YPEL1: variants seen among roughly 807,000 people sequenced by gnomAD.
The protein encoded by YPEL1 is protein yippee-like 1.
YPEL1 carries 7 observed loss-of-function variants against 17.3 expected under a neutral mutation model. That is an observed-to-expected ratio of 0.40 (90% CI 0.23 to 0.76). The LOEUF (loss-of-function observed/expected upper bound fraction) is 0.76, where lower values mean the gene tolerates loss of function less well. Ranked by LOEUF, YPEL1 falls within the 30% of genes least tolerant of loss-of-function variation. YPEL1 has a pLI of 0.35. For synonymous variants in YPEL1, 59 were observed against 59.6 expected, an observed-to-expected ratio of 0.99 and a Z score of 0.05; for missense variants, 91 against 155.5, an observed-to-expected ratio of 0.59 and a Z score of 2.21.
At position 21,699,121 on chromosome 22, in the gene YPEL1, G is replaced by A. The variant is rs550168180; in HGVS notation, c.*2008C>T. The A allele has an allele frequency of 3.9e-5, 6 of 152,566 alleles. No homozygotes were observed. The highest frequency in any genetic ancestry group is 1.2e-4 in the African/African-American group (5 of 41,598). The allele number at this position is 152,566 out of a possible 1,614,324, so 9.5% of individuals were successfully genotyped here. A position where few individuals can be genotyped will look rare whatever the true frequency, so the allele number is the denominator to read the frequency against. On this transcript the variant is annotated 3_prime_UTR_variant, in exon 5 of 5. Transcript: ENST00000339468. ...CATGCTGTGTGTGGGCAGTGAGCTC[G>A]AGTGGGCACAGCCCAGTGCCTGCCT...
intron 1 of YPEL1, among the ~76,000 whole-genome samples, chr22:21,717,919 G>C (rs141994670): frequency 7.7e-4 from 117 of 152,092 alleles, no homozygotes; most frequent in African/African-American, 2.6e-3. Flanking sequence ...TTGAGCCCAG[G>C]AGTTTGAGAC....
At chr22:21,730,180 A>G (rs187761806) in intron 1 of YPEL1, among the ~76,000 whole-genome samples, 3 of 152,166 alleles carry the variant, frequency 2.0e-5, no homozygotes, top group Non-Finnish European at 4.4e-5. Flanking sequence ...AACAAAGTTT[A>G]ACCAAAAGAG....
intron 1 of YPEL1, among the ~76,000 whole-genome samples, chr22:21,731,261 C>T (rs1252514920): frequency 3.3e-5 from 5 of 151,750 alleles, no homozygotes; most frequent in African/African-American, 1.2e-4. Flanking sequence ...TGCCTGTCGT[C>T]CCAGCTACTC....
chr22:21,725,530 A>T (rs562233059), intron 1 of YPEL1, among the ~76,000 whole-genome samples: 33 of 152,222 alleles, frequency 2.2e-4, no homozygotes, highest in Non-Finnish European at 1.5e-5. Context: ...TGCCCAGCCT[A>T]AAATGATAAA....
At position 21,701,000 on chromosome 22, in the gene YPEL1, A is replaced by C; in HGVS notation, c.*129T>G. 1 of 726,214 alleles carries C rather than the reference A, an allele frequency of 1.4e-6. No homozygotes were observed. 45.0% of individuals were successfully genotyped at this position (726,214 alleles called of 1,614,324 possible). A position where few individuals can be genotyped will look rare whatever the true frequency, so the allele number is the denominator to read the frequency against. ...CCCACAGAGATGGCCGAGAGTGTCA[A>C]GAGCTATGCGCAGCTAGCCTTTGAG... On this transcript the variant is annotated 3_prime_UTR_variant, in exon 5 of 5. Transcript: ENST00000339468.
intron 1 of YPEL1, among the ~76,000 whole-genome samples, chr22:21,732,706 C>T (rs1359542407): frequency 2.0e-5 from 3 of 151,984 alleles, no homozygotes; most frequent in South Asian, 2.1e-4. Flanking sequence ...CGCTTGAACC[C>T]GGGAGGCGGA....
At chr22:21,711,007 G>T (rs528120654) in intron 1 of YPEL1, 99 bp from the exon 2 acceptor site, 9 of 411,012 alleles carry the variant, frequency 2.2e-5, no homozygotes, top group Non-Finnish European at 9.0e-6. Flanking sequence ...ACGCGGGGTG[G>T]GGGGGTGGCA....
intron 1 of YPEL1, among the ~76,000 whole-genome samples, chr22:21,712,607 T>G (rs1246565341): frequency 6.6e-6 from 1 of 150,880 alleles, no homozygotes; most frequent in Non-Finnish European, 1.5e-5. Flanking sequence ...GTGCTTGTAG[T>G]CCCAGCTACT....
rs2068081904 is a variant in YPEL1, at chr22:21,703,144, G to A, written c.270+226C>T. On this transcript the variant is annotated intron_variant, in intron 4 of 4. Transcript: ENST00000339468. This position sits in a 1 kb window ranked among gnomAD's most constrained non-coding sequence, Gnocchi z 6.1. Reference sequence around the variant, plus strand: ...AAGAAACAGGGCTTGAAAACATGGTGTTTTTGTTTTTTGTTTTGGGTTGGG... The same window carrying A: ...AAGAAACAGGGCTTGAAAACATGGTATTTTTGTTTTTTGTTTTGGGTTGGG... 3.9e-5 allele frequency among the ~76,000 whole-genome samples: 6 copies of A among 152,160 alleles called. No homozygotes were observed. Among genetic ancestry groups the A allele is most frequent in the Admixed American group, 2.6e-4 (4 of 15,274 alleles).
At chr22:21,718,125 T>A in intron 1 of YPEL1, among the ~76,000 whole-genome samples, 1 of 79,580 alleles carries the variant, frequency 1.3e-5, no homozygotes. Context: ...TGAGACTCTG[T>A]CTCAAAAAAA....
At chr22:21,735,138 G>A (rs2148618133) in intron 1 of YPEL1, among the ~76,000 whole-genome samples, 1 of 152,278 alleles carries the variant, frequency 6.6e-6, no homozygotes, top group Admixed American at 6.5e-5. Context: ...CGAAACCTAT[G>A]CCACAAGTGG....
intron 1 of YPEL1, among the ~76,000 whole-genome samples, chr22:21,711,448 G>A (rs928421310): frequency 2.6e-5 from 4 of 152,232 alleles, no homozygotes; most frequent in African/African-American, 9.6e-5. Flanking sequence ...CCCGGTGGCA[G>A]GGCTGGATGC....
rs150704824 is a variant in YPEL1 at position 21,718,024 on chromosome 22, G to A, written c.-164-7116C>T. 4.4e-3 allele frequency among the ~76,000 whole-genome samples: 669 copies of A among 152,140 alleles called. 6 individuals carry two copies. The highest frequency in any genetic ancestry group is 0.015 in the African/African-American group (617 of 41,510). ...CACGTGTCTGTGGTCCCAGCTACTA[G>A]GGAGGCTGAAGTGGGAGGATTGCTT... On this transcript the variant is annotated intron_variant, in intron 1 of 4. Transcript: ENST00000339468.
At position 21,703,327 on chromosome 22, in the gene YPEL1, G is replaced by A; in HGVS notation, c.270+43C>T. On this transcript the variant is annotated intron_variant, in intron 4 of 4. Coordinates refer to ENST00000339468, the MANE Select transcript of YPEL1 (RefSeq NM_013313.5). The surrounding 1 kb of genome is among the most constrained non-coding windows in gnomAD (Gnocchi z 6.1). Reference sequence around the variant, plus strand: ...AGGTGTGGCTCAGTGGCAACTTAGTGCCACATCCCCTTGTGGCACGAGCAT... The same window carrying A: ...AGGTGTGGCTCAGTGGCAACTTAGTACCACATCCCCTTGTGGCACGAGCAT... 1.3e-6 allele frequency: 2 copies of A among 1,576,262 alleles called. No homozygotes were observed. The highest frequency in any genetic ancestry group is 8.7e-7 in the Non-Finnish European group (1 of 1,148,706).
chr22:21,722,724 C>T (rs1056562528), intron 1 of YPEL1, among the ~76,000 whole-genome samples: 3 of 151,940 alleles, frequency 2.0e-5, no homozygotes, highest in Non-Finnish European at 2.9e-5. Context: ...TGGGAGAAAA[C>T]GCAAGCCCCC....
At chr22:21,722,791 C>T (rs986597704) in intron 1 of YPEL1, 1 of 152,130 alleles carries the variant, frequency 6.6e-6, no homozygotes, top group East Asian at 1.9e-4. Flanking sequence ...TGTCCTTCCA[C>T]AAAGGACACC....
rs2067987435 is a variant in YPEL1, at chr22:21,697,579, A to C, written c.*3550T>G. The C allele has an allele frequency of 6.4e-6, 1 of 155,040 alleles. No homozygotes were observed. The highest frequency in any genetic ancestry group is 2.4e-5 in the African/African-American group (1 of 41,474). 9.6% of individuals were successfully genotyped at this position (155,040 alleles called of 1,614,324 possible). A position where few individuals can be genotyped will look rare whatever the true frequency, so the allele number is the denominator to read the frequency against. On this transcript the variant is annotated 3_prime_UTR_variant, in exon 5 of 5. Transcript: ENST00000339468. ...GAAGCTTTATTTGTAAACCTCACAC[A>C]GATAAGGACCAAGGGCTGGCGGTGT...
chr22:21,711,424 G>A lies in YPEL1; in HGVS notation c.-164-516C>T, dbSNP rs1459781146. 1.2e-4 allele frequency among the ~76,000 whole-genome samples: 18 copies of A among 152,314 alleles called. 1 individual carries two copies. In the South Asian group the frequency reaches 3.1e-3, roughly 26 times the overall value. ...ATGAAAGGAGAGGCAGAACCAAGAC[G>A]CCCGGTGAGTGGGCCCGGTGGCAGG... On this transcript the variant is annotated intron_variant, in intron 1 of 4. Transcript: ENST00000339468.
In YPEL1 at chr22:21,703,713, G is replaced by C. The variant is rs2068088200; in HGVS notation, c.161+126C>G. Reference sequence around the variant, plus strand: ...TAGCGCGTTTCAGAAACTCCCGGCGGGGGGATGGTGGGTTCTTTCAGGACC... The same window carrying C: ...TAGCGCGTTTCAGAAACTCCCGGCGCGGGGATGGTGGGTTCTTTCAGGACC... On this transcript the variant is annotated intron_variant, in intron 3 of 4. Transcript: ENST00000339468. This position sits in a 1 kb window ranked among gnomAD's most constrained non-coding sequence, Gnocchi z 6.1. 8 of 1,114,962 alleles carry C rather than the reference G, an allele frequency of 7.2e-6. No individual in the cohort carries two copies. Among genetic ancestry groups the C allele is most frequent in the Non-Finnish European group, 1.0e-5 (8 of 782,716 alleles). 69.1% of individuals were successfully genotyped at this position (1,114,962 alleles called of 1,614,324 possible).
Sources: gnomAD v4.1 joint callset for allele counts (sites outside exome capture counted in the v4.1 genomes callset) on GRCh38, gnomAD v4.1.1 for gene constraint, Gnocchi (gnomAD v3.1) non-coding constraint, MANE v1.5 for transcripts, NCBI Gene and HGNC (gene_info 2026-07-23, HGNC 2026-07-21) for gene names.